The following POGZ variants were observed in gnomAD, a reference collection of about 807,000 sequenced individuals.
POGZ encodes the protein pogo transposable element with ZNF domain.
Under a neutral mutation model 134.6 loss-of-function variants are expected in POGZ, and 17 were observed. The ratio of observed to expected loss-of-function variants is 0.13; its 90% CI spans 0.09 to 0.19. The LOEUF is 0.19. Ranked by LOEUF, POGZ falls within the 10% of genes least tolerant of loss-of-function variation. The pLI is 1.00. For missense variants in POGZ, 1,306 were observed against 1,769.7 expected, an observed-to-expected ratio of 0.74 and a Z score of 4.70; for synonymous variants, 693 against 657.1, an observed-to-expected ratio of 1.05 and a Z score of -0.84.
rs188054624 is a variant in POGZ at position 151,446,641 on chromosome 1, A to T, written c.-1-4436T>A. Among the ~76,000 whole-genome samples, 130 of 151,448 alleles carry T rather than the reference A, an allele frequency of 8.6e-4. 1 individual carries two copies. Among genetic ancestry groups the T allele is most frequent in the African/African-American group, 3.0e-3 (124 of 41,362 alleles). On this transcript the variant is annotated intron_variant, in intron 1 of 18. Transcript: ENST00000271715. ...TGTGGTGGCACACGCCTGTAATCCC[A>T]GCTACTCAGGAAGCTGAGGCAGGAG...
intron 10 of POGZ, among the ~76,000 whole-genome samples, chr1:151,416,589 A>T (rs184102171): frequency 6.6e-6 from 1 of 151,972 alleles, no homozygotes. Context: ...ACTGCTCTTA[A>T]ACAAGTGTGA....
chr1:151,423,162 C>T (rs894437000), intron 10 of POGZ, among the ~76,000 whole-genome samples: 8 of 152,028 alleles, frequency 5.3e-5, no homozygotes, highest in Non-Finnish European at 1.0e-4. Flanking sequence ...TCTGAATCAA[C>T]GCCCCTAACA....
At position 151,405,726 on chromosome 1, in the gene POGZ, G is replaced by A. The variant is rs1383491552; in HGVS notation, c.3309C>T (p.Leu1103=). The A allele has an allele frequency of 1.9e-6, 3 of 1,614,092 alleles. No individual in the cohort carries two copies. Among genetic ancestry groups the A allele is most frequent in the Non-Finnish European group, 8.5e-7 (1 of 1,180,046 alleles). Residue 1103 remains leucine, a synonymous_variant, in exon 19 of 19, where the codon CTC becomes CTT. Transcript: ENST00000271715. This position sits in a 1 kb window ranked among gnomAD's most constrained non-coding sequence, Gnocchi z 4.9. ...TCTGCCGTTGTACAAAATCAATGAA[G>A]AGTCCTGCATTCTCTGCTACATCCT... is the stretch of plus-strand genomic sequence containing the variant. The part of the protein sequence containing the change: ...LPKDVAENAG[L]FIDFVQRQIH...
In POGZ at chr1:151,411,618, C is replaced by T. The variant is rs1654689431; in HGVS notation, c.1926+7G>A. The T allele has an allele frequency of 3.8e-6, 6 of 1,593,842 alleles. No individual in the cohort carries two copies. Among genetic ancestry groups the T allele is most frequent in the Non-Finnish European group, 5.1e-6 (6 of 1,169,224 alleles). ...AGAGAATATGGGAATTGCTTGGTGCCTAGTACCTGGTGCCTCATGTAATGC... is the reference window on the plus strand; with the variant it reads ...AGAGAATATGGGAATTGCTTGGTGCTTAGTACCTGGTGCCTCATGTAATGC... On this transcript the variant is annotated splice_region_variant and intron_variant, in intron 12 of 18. Transcript: ENST00000271715.
Position 151,428,183 on chromosome 1 carries a change from G to T in POGZ, c.799C>A (p.Leu267Met). The change falls in exon 6 of 19, where the codon CTG becomes ATG. Residue 267 changes from leucine (L) to methionine (M), a missense_variant. Physicochemically the swap from Leu to Met is conservative, Grantham distance 15. Coordinates refer to ENST00000271715, the MANE Select transcript of POGZ (RefSeq NM_015100.4). ...TTPTATQPTS[L>M]GQLAVQSPGQ... The stretch of plus-strand genomic sequence containing the variant: ...GGAGACTGAACAGCTAGTTGCCCCA[G>T]TGAGGTTGGCTGTGTGGCAGTGGGA... 6.2e-7 allele frequency: 1 copy of T among 1,614,210 alleles called. No individual in the cohort carries two copies. The highest frequency in any genetic ancestry group is 1.6e-4 in the Middle Eastern group (1 of 6,062).
At chr1:151,443,598 C>G (rs572110109) in intron 1 of POGZ, among the ~76,000 whole-genome samples, 1 of 152,012 alleles carries the variant, frequency 6.6e-6, no homozygotes, top group Non-Finnish European at 1.5e-5. Context: ...CCTGTAATCC[C>G]GGCTACTCGG....
chr1:151,403,087 A>G lies in POGZ; in HGVS notation c.*1715T>C. ...ATGGCATCAGGCAAAAAGCTGGGGA[A>G]GAGAAGCCCAGATGGATCCTTGGTT... On this transcript the variant is annotated 3_prime_UTR_variant, in exon 19 of 19. Coordinates refer to ENST00000271715, the MANE Select transcript of POGZ (RefSeq NM_015100.4). 2.9e-6 allele frequency: 1 copy of G among 343,128 alleles called. No individual in the cohort carries two copies. Among genetic ancestry groups the G allele is most frequent in the Non-Finnish European group, 4.1e-6 (1 of 242,384 alleles). The allele number at this position is 343,128 out of a possible 1,614,324, so 21.3% of individuals were successfully genotyped here.
chr1:151,446,224 C>T (rs559966020), intron 1 of POGZ, among the ~76,000 whole-genome samples: 2 of 143,028 alleles, frequency 1.4e-5, no homozygotes, highest in African/African-American at 5.2e-5. Context: ...ACACATTTAA[C>T]CTCCTTCCAT....
At chr1:151,415,773 C>A (rs993766959) in intron 10 of POGZ, among the ~76,000 whole-genome samples, 1 of 151,804 alleles carries the variant, frequency 6.6e-6, no homozygotes, top group African/African-American at 2.4e-5. Flanking sequence ...TTTTTAGTCC[C>A]AAATCTCACA....
chr1:151,411,889 T>C (rs1654751189), intron 11 of POGZ, 118 bp from the exon 12 acceptor site: 8 of 769,692 alleles, frequency 1.0e-5, no homozygotes, highest in South Asian at 2.3e-5. Flanking sequence ...CTCAAATGCA[T>C]AGAAATCAAA....
At position 151,424,991 on chromosome 1, in the gene POGZ, T is replaced by C; in HGVS notation, c.1149A>G (p.Gln383=). ...GRKICPRCNA[Q]FRVTEALRGH... is the part of the protein sequence containing the mutation. ...CTCTCAAAGCTTCAGTAACACGAAA[T>C]TGAGCATTACATCGTGGACATATTT... Residue 383 remains glutamine, a synonymous_variant, in exon 8 of 19, where the codon CAA becomes CAG. Transcript: ENST00000271715. The C allele has an allele frequency of 1.3e-6, 2 of 1,598,032 alleles. No individual in the cohort carries two copies. The highest frequency in any genetic ancestry group is 8.6e-7 in the Non-Finnish European group (1 of 1,168,960).
rs191830979 is a variant in POGZ at position 151,436,537 on chromosome 1, G to C, written c.283+4391C>G. On this transcript the variant is annotated intron_variant, in intron 3 of 18. Coordinates refer to ENST00000271715, the MANE Select transcript of POGZ (RefSeq NM_015100.4). The stretch of plus-strand genomic sequence containing the variant: ...CAGCTCACAGCAACCTCCGCCTCCC[G>C]AGTGCAAACGATTCTCCTGCCTCAG... Among the ~76,000 whole-genome samples the C allele has an allele frequency of 1.4e-3, 205 of 151,762 alleles. 2 individuals carry two copies. Among genetic ancestry groups the C allele is most frequent in the Non-Finnish European group, 1.9e-3 (129 of 67,884 alleles).
intron 12 of POGZ, among the ~76,000 whole-genome samples, chr1:151,409,942 G>C (rs913093012): frequency 6.6e-6 from 1 of 152,178 alleles, no homozygotes; most frequent in East Asian, 1.9e-4. Context: ...CTTAGGCTAA[G>C]AGACAATTTC....
rs546813706 is a variant in POGZ, at chr1:151,446,717, C to T, written c.-1-4512G>A. Among the ~76,000 whole-genome samples the T allele has an allele frequency of 1.2e-4, 16 of 129,460 alleles. No homozygotes were observed. The South Asian group carries it at 3.4e-3, about 28-fold the overall frequency. The allele number at this position is 129,460 out of a possible 152,430, so 84.9% of individuals were successfully genotyped here. On this transcript the variant is annotated intron_variant, in intron 1 of 18. Coordinates refer to ENST00000271715, the MANE Select transcript of POGZ (RefSeq NM_015100.4). ...GTCGCAGTGAGCTGAGATCGTGCCA[C>T]TGCACTCTAGCCTGGGCGATAGAGC...
intron 1 of POGZ, among the ~76,000 whole-genome samples, chr1:151,447,086 A>T (rs1441131157): frequency 2.6e-5 from 4 of 152,016 alleles, no homozygotes; most frequent in Non-Finnish European, 4.4e-5. Flanking sequence ...AAAAGACTAT[A>T]GTTTAAAAAA....
At chr1:151,440,148 T>G (rs2102360063) in intron 3 of POGZ, among the ~76,000 whole-genome samples, 1 of 151,938 alleles carries the variant, frequency 6.6e-6, no homozygotes. Flanking sequence ...ATCAGTTATC[T>G]TCAGGTGGTG....
In POGZ at chr1:151,428,246, A is replaced by G; in HGVS notation, c.736T>C (p.Ser246Pro). 2 of 1,613,972 alleles carry G rather than the reference A, an allele frequency of 1.2e-6. No homozygotes were observed. The highest frequency in any genetic ancestry group is 2.2e-5 in the East Asian group (1 of 44,872). Residue 246 changes from serine (S) to proline (P), a missense_variant, in exon 6 of 19, where the codon TCC (serine) becomes CCC (proline). This residue lies in a region of POGZ where 541 missense variants were observed against 680.5 expected (regional missense o/e 0.80). Coordinates refer to ENST00000271715, the MANE Select transcript of POGZ (RefSeq NM_015100.4). Reference protein sequence around the residue: ...TIRSTVPQSQSQQTKSTPSTS... With the variant: ...TIRSTVPQSQPQQTKSTPSTS... ...CTGGGAGTGGACTTGGTCTGCTGGG[A>G]CTGGGACTGTGGGACGGTGCTTCGA...
intron 1 of POGZ, among the ~76,000 whole-genome samples, chr1:151,456,284 T>C (rs75212980): frequency 0.018 from 2,705 of 152,306 alleles, 79 homozygotes; most frequent in African/African-American, 0.061. Flanking sequence ...TAACCACTGA[T>C]ATCATAAGGA....
At chr1:151,454,893 A>C (rs1230066557) in intron 1 of POGZ, 2 of 152,184 alleles carry the variant, frequency 1.3e-5, no homozygotes, top group African/African-American at 4.8e-5. Context: ...GTCGATCAAG[A>C]GGTCAGGAGT....
Sources: gnomAD v4.1 joint callset for allele counts (sites outside exome capture counted in the v4.1 genomes callset) on GRCh38, gnomAD v4.1.1 for gene constraint, gnomAD v4.1.1 regional missense constraint, Gnocchi (gnomAD v3.1) non-coding constraint, MANE v1.5 for transcripts, NCBI Gene and HGNC (gene_info 2026-07-23, HGNC 2026-07-21) for gene names.